The following AGBL4 variants were observed in gnomAD, a reference collection of about 807,000 sequenced individuals.
The protein encoded by AGBL4 is AGBL carboxypeptidase 4.
AGBL4 carries 58 observed loss-of-function variants against 66.4 expected under a neutral mutation model. The observed-to-expected ratio is 0.87, with a 90% CI of 0.71 to 1.09. AGBL4 has a LOEUF of 1.09. Ranked by LOEUF, AGBL4 falls within the 50% of genes least tolerant of loss-of-function variation. The pLI is 0.00. For synonymous variants in AGBL4, 234 were observed against 222.9 expected, an observed-to-expected ratio of 1.05 and a Z score of -0.44; for missense variants, 579 against 631.0, an observed-to-expected ratio of 0.92 and a Z score of 0.88.
At chr1:49,718,432 T>C (rs1051318099) in intron 2 of AGBL4, among the ~76,000 whole-genome samples, 7 of 152,106 alleles carry the variant, frequency 4.6e-5, no homozygotes, top group African/African-American at 1.7e-4. Flanking sequence ...GATAAAACTC[T>C]TTTCTTCATA....
chr1:48,899,421 G>GTT (rs113628909), intron 5 of AGBL4, among the ~76,000 whole-genome samples: 55,999 of 148,832 alleles, frequency 0.38, 11,172 homozygotes, highest in East Asian at 0.7. Context: ...TAAGTTAATA[G>GTT]TTTTTTTTTT....
chr1:49,163,646 G>A (rs368030013), intron 4 of AGBL4, among the ~76,000 whole-genome samples: 1 of 152,142 alleles, frequency 6.6e-6, no homozygotes, highest in African/African-American at 2.4e-5. Context: ...GTTGATGTAT[G>A]AACGAATTAA....
chr1:49,217,208 C>T (rs1649160733), intron 4 of AGBL4, among the ~76,000 whole-genome samples: 1 of 152,038 alleles, frequency 6.6e-6, no homozygotes, highest in African/African-American at 2.4e-5. Context: ...AATTTATAAT[C>T]TAAGTTATAT....
At chr1:48,892,473 G>C (rs1264364577) in intron 5 of AGBL4, among the ~76,000 whole-genome samples, 3 of 152,198 alleles carry the variant, frequency 2.0e-5, no homozygotes, top group Non-Finnish European at 4.4e-5. Flanking sequence ...AAGGTGGTCA[G>C]AGCACAGCTT....
At chr1:49,884,070 T>G (rs539522269) in intron 1 of AGBL4, among the ~76,000 whole-genome samples, 5 of 152,070 alleles carry the variant, frequency 3.3e-5, no homozygotes, top group African/African-American at 1.2e-4. Context: ...CATTTTAATA[T>G]TCAACCACAT....
At chr1:49,124,383 A>G (rs1645723590) in intron 4 of AGBL4, among the ~76,000 whole-genome samples, 1 of 152,208 alleles carries the variant, frequency 6.6e-6, no homozygotes, top group East Asian at 1.9e-4. Context: ...ATTTTGGAAG[A>G]GAAATTTTCT....
At chr1:48,940,546 G>T (rs917233430) in intron 5 of AGBL4, among the ~76,000 whole-genome samples, 4 of 152,172 alleles carry the variant, frequency 2.6e-5, no homozygotes, top group Non-Finnish European at 2.9e-5. Context: ...TTTGGGAAAT[G>T]AAAATGGTTT....
At chr1:49,420,768 T>C (rs1332409417) in intron 3 of AGBL4, among the ~76,000 whole-genome samples, 1 of 152,094 alleles carries the variant, frequency 6.6e-6, no homozygotes, top group Middle Eastern at 3.2e-3. Context: ...ATTGTTACTA[T>C]CAAGAATAAC....
At chr1:49,411,033 C>T (rs575501565) in intron 3 of AGBL4, among the ~76,000 whole-genome samples, 16 of 152,244 alleles carry the variant, frequency 1.1e-4, no homozygotes, top group South Asian at 2.1e-4. Context: ...CTCACACCAT[C>T]GCAAGGTGAA....
rs182270150 is a variant in AGBL4, at chr1:49,968,161, T to C, written c.34+55602A>G. Among the ~76,000 whole-genome samples the C allele has an allele frequency of 1.5e-3, 223 of 150,650 alleles. 4 individuals carry two copies. The highest frequency in any genetic ancestry group is 5.3e-3 in the African/African-American group (217 of 40,956). ...TCACTTGAACTCAGGAGGCAGAGGT[T>C]CCAGTGAGCCAATATCGTGCCATTG... On this transcript the variant is annotated intron_variant, in intron 1 of 13. Transcript: ENST00000371839.
chr1:49,328,440 C>T (rs544102128), intron 3 of AGBL4, among the ~76,000 whole-genome samples: 10 of 152,124 alleles, frequency 6.6e-5, no homozygotes, highest in African/African-American at 1.7e-4. Flanking sequence ...GGTTTTCTCA[C>T]GTATAAACCA....
chr1:48,716,538 C>T (rs1227910498), intron 6 of AGBL4, among the ~76,000 whole-genome samples: 1 of 152,014 alleles, frequency 6.6e-6, no homozygotes, highest in African/African-American at 2.4e-5. Flanking sequence ...TGCTTAAGAG[C>T]CATAGGGGAG....
chr1:49,115,288 G>T (rs1360057341), intron 4 of AGBL4, among the ~76,000 whole-genome samples: 1 of 152,100 alleles, frequency 6.6e-6, no homozygotes, highest in Non-Finnish European at 1.5e-5. Context: ...CAATACAAAG[G>T]CTGAAATTAG....
intron 3 of AGBL4, among the ~76,000 whole-genome samples, chr1:49,447,117 A>T (rs1188898851): frequency 1.3e-5 from 2 of 152,156 alleles, no homozygotes; most frequent in Non-Finnish European, 2.9e-5. Context: ...TTCTCCATGC[A>T]TGAGCCTGAG....
intron 4 of AGBL4, among the ~76,000 whole-genome samples, chr1:49,118,271 G>C (rs1232222475): frequency 6.6e-6 from 1 of 152,158 alleles, no homozygotes; most frequent in African/African-American, 2.4e-5. Context: ...GGAGTGGTGA[G>C]AGAGAGCATC....
At chr1:49,311,369 A>G (rs1644938451) in intron 3 of AGBL4, among the ~76,000 whole-genome samples, 1 of 152,066 alleles carries the variant, frequency 6.6e-6, no homozygotes, top group Non-Finnish European at 1.5e-5. Context: ...ATGCAGGGAC[A>G]CTTAATGCCA....
intron 11 of AGBL4, among the ~76,000 whole-genome samples, chr1:48,559,844 G>T (rs1286543191): frequency 6.6e-6 from 1 of 151,860 alleles, no homozygotes; most frequent in Non-Finnish European, 1.5e-5. Flanking sequence ...TCCCCTCTTG[G>T]TTATAAATTC....
chr1:49,690,968 G>A (rs2124593204), intron 3 of AGBL4, among the ~76,000 whole-genome samples: 1 of 152,160 alleles, frequency 6.6e-6, no homozygotes, highest in East Asian at 1.9e-4. Context: ...AGCTAGGCCT[G>A]GAATGTATGT....
At chr1:49,287,630 C>T (rs1196256732) in intron 3 of AGBL4, among the ~76,000 whole-genome samples, 1 of 152,128 alleles carries the variant, frequency 6.6e-6, no homozygotes, top group African/African-American at 2.4e-5. Flanking sequence ...TCATCACTGG[C>T]CATCAGAGAA....
Sources: gnomAD v4.1 joint callset for allele counts (sites outside exome capture counted in the v4.1 genomes callset) on GRCh38, gnomAD v4.1.1 for gene constraint, MANE v1.5 for transcripts, NCBI Gene and HGNC (gene_info 2026-07-23, HGNC 2026-07-21) for gene names.